Variants in FBXW4 observed in about 807,000 individuals in gnomAD.
FBXW4 encodes F-box and WD repeat domain containing 4, also known as F-box/WD repeat-containing protein 4.
A neutral mutation model predicts 61.8 loss-of-function variants in FBXW4; 40 were observed. The ratio of observed to expected loss-of-function variants is 0.65; its 90% CI spans 0.50 to 0.84. The LOEUF (loss-of-function observed/expected upper bound fraction) is 0.84. Among genes scored for constraint, FBXW4 ranks in the 40% least tolerant of loss-of-function variants. FBXW4 has a pLI of 0.00. For synonymous variants in FBXW4, 311 were observed against 313.8 expected, an observed-to-expected ratio of 0.99 and a Z score of 0.10; for missense variants, 672 against 753.8, an observed-to-expected ratio of 0.89 and a Z score of 1.27.
chr10:101,619,919 TGA>T (rs1016213599), intron 6 of FBXW4, among the ~76,000 whole-genome samples: 2 of 152,180 alleles, frequency 1.3e-5, no homozygotes, highest in Admixed American at 6.5e-5. Context: ...GGTGAGTAGC[TGA>T]GAGACACACA....
intron 5 of FBXW4, among the ~76,000 whole-genome samples, chr10:101,642,956 ACTGATGCACAGG>A (rs2064066608): frequency 6.6e-6 from 1 of 152,104 alleles, no homozygotes; most frequent in Non-Finnish European, 1.5e-5. Context: ...ATTATAGACT[ACTGATGCACAGG>A]TCAACTTCCC....
intron 5 of FBXW4, 102 bp from the exon 6 acceptor site, chr10:101,624,912 G>T: frequency 7.7e-7 from 1 of 1,297,360 alleles, no homozygotes; most frequent in Non-Finnish European, 1.1e-6. Flanking sequence ...AGGGGATTGT[G>T]GGTTAAGCCA....
At chr10:101,692,522 G>A (rs542355163) in intron 1 of FBXW4, among the ~76,000 whole-genome samples, 15 of 151,894 alleles carry the variant, frequency 9.9e-5, no homozygotes, top group African/African-American at 3.1e-4. Flanking sequence ...TTGGGAGGCC[G>A]AGGTGGGCAG....
In FBXW4 at chr10:101,694,521, G is replaced by A. The variant is rs545689445; in HGVS notation, c.585C>T (p.Cys195=). Residue 195 remains cysteine, a synonymous_variant, in exon 1 of 9, where the codon TGC becomes TGT. Coordinates refer to ENST00000331272, the MANE Select transcript of FBXW4 (RefSeq NM_022039.4). The surrounding 1 kb of genome is among the most constrained non-coding windows in gnomAD (Gnocchi z 6.0). ...CGAGGGCCCGCATGTCCAGGTAGGA[G>A]CAGATGAGCAGCAGCAGCTCCTCCG... The part of the protein sequence containing the change: ...RLPEELLLLI[C]SYLDMRALGR... The A allele has an allele frequency of 1.5e-5, 22 of 1,509,292 alleles. No homozygotes were observed. The African/African-American group carries it at 2.2e-4, about 15-fold the overall frequency. The allele number at this position is 1,509,292 out of a possible 1,614,324, so 93.5% of individuals were successfully genotyped here.
At position 101,672,970 on chromosome 10, in the gene FBXW4, C is replaced by T. The variant is rs1422091314; in HGVS notation, c.1085G>A (p.Cys362Tyr). 5 of 1,614,076 alleles carry T rather than the reference C, an allele frequency of 3.1e-6. No individual in the cohort carries two copies. The highest frequency in any genetic ancestry group is 1.3e-5 in the African/African-American group (1 of 74,918). The change falls in exon 4 of 9, where the codon TGT becomes TAT. Residue 362 changes from cysteine (C) to tyrosine (Y), a missense_variant. Physicochemically the swap from Cys to Tyr is radical, Grantham distance 194. Around this residue, in one of 5 missense-constraint regions of FBXW4, gnomAD observed 312 missense variants for 370.1 expected, o/e 0.84. Transcript: ENST00000331272. ...KYSAHEQEVN[C>Y]VDCKGGIIVS... ...AATGATGCCCCCTTTGCAATCCACA[C>T]AGTTCACCTCCTGTTCATGAGCCGA...
At chr10:101,631,659 G>A (rs555474880) in intron 5 of FBXW4, among the ~76,000 whole-genome samples, 6 of 146,578 alleles carry the variant, frequency 4.1e-5, no homozygotes, top group East Asian at 4.0e-4. Context: ...ACAGAGTCTC[G>A]CTCTGTCGCC....
At chr10:101,672,840 G>C (rs544692745) in intron 4 of FBXW4, 75 bp downstream of exon 4, 4 of 1,541,698 alleles carry the variant, frequency 2.6e-6, no homozygotes, top group East Asian at 4.6e-5. Flanking sequence ...AGCCAATCCT[G>C]AGACTCAGGG....
At chr10:101,681,398 A>AAAAAT (rs1554934344) in intron 1 of FBXW4, among the ~76,000 whole-genome samples, 6 of 136,098 alleles carry the variant, frequency 4.4e-5, no homozygotes, top group Non-Finnish European at 7.8e-5. Context: ...CAAAAAAAAA[A>AAAAAT]AATAATAATA....
intron 5 of FBXW4, among the ~76,000 whole-genome samples, chr10:101,666,794 G>A (rs763560747): frequency 2.0e-5 from 3 of 152,138 alleles, no homozygotes; most frequent in Non-Finnish European, 2.9e-5. Flanking sequence ...TCAGGGCCAG[G>A]TGCAGTGGCT....
In FBXW4 at chr10:101,618,696, C is replaced by T. The variant is rs2063844376; in HGVS notation, c.1301+6049G>A. Among the ~76,000 whole-genome samples the T allele has an allele frequency of 2.6e-5, 4 of 152,234 alleles. No individual in the cohort carries two copies. In the South Asian group the frequency reaches 8.3e-4, roughly 32 times the overall value. On this transcript the variant is annotated intron_variant, in intron 6 of 8. Coordinates refer to ENST00000331272, the MANE Select transcript of FBXW4 (RefSeq NM_022039.4). Reference sequence around the variant, plus strand: ...GGAGCAGCCAGGTCACCAACCACCTCCCCACCCCTTTCCCCACCCCACAAT... The same window carrying T: ...GGAGCAGCCAGGTCACCAACCACCTTCCCACCCCTTTCCCCACCCCACAAT...
At chr10:101,619,088 C>T (rs889670088) in intron 6 of FBXW4, among the ~76,000 whole-genome samples, 9 of 152,184 alleles carry the variant, frequency 5.9e-5, no homozygotes, top group Non-Finnish European at 1.0e-4. Context: ...CTTGATTCCT[C>T]CAAACTCCAG....
At chr10:101,636,349 C>T (rs2064001368) in intron 5 of FBXW4, among the ~76,000 whole-genome samples, 1 of 149,520 alleles carries the variant, frequency 6.7e-6, no homozygotes, top group African/African-American at 2.5e-5. Flanking sequence ...GAGAGCAAGA[C>T]TCCATCTCAA....
Position 101,678,115 on chromosome 10 carries a change from T to C in FBXW4, c.726-1679A>G, listed in dbSNP as rs192537659. Among the ~76,000 whole-genome samples, 20 of 152,324 alleles carry C rather than the reference T, an allele frequency of 1.3e-4. No homozygotes were observed. The East Asian group carries it at 3.9e-3, about 29-fold the overall frequency. ...AACATTGGAGGGCGAGTGTCAATAG[T>C]ACTTTCTGGGTGAGCTGAGTTAACA... On this transcript the variant is annotated intron_variant, in intron 1 of 8. Transcript: ENST00000331272.
intron 5 of FBXW4, among the ~76,000 whole-genome samples, chr10:101,627,773 A>T (rs1469379289): frequency 6.6e-6 from 1 of 152,222 alleles, no homozygotes; most frequent in Non-Finnish European, 1.5e-5. Flanking sequence ...AATATGAAGC[A>T]AAGGCCAAGC....
At chr10:101,690,097 A>G (rs926060823) in intron 1 of FBXW4, among the ~76,000 whole-genome samples, 2 of 152,248 alleles carry the variant, frequency 1.3e-5, no homozygotes, top group African/African-American at 4.8e-5. Context: ...GACTGGCAAT[A>G]GAATCTTTTA....
chr10:101,682,720 A>G (rs552953935), intron 1 of FBXW4, among the ~76,000 whole-genome samples: 1 of 152,324 alleles, frequency 6.6e-6, no homozygotes, highest in African/African-American at 2.4e-5. Context: ...TCATAGCACC[A>G]AGAAACTTTC....
At position 101,611,947 on chromosome 10, in the gene FBXW4, G is replaced by A. The variant is rs2063790320; in HGVS notation, c.1443-178C>T. ...AACTTCATGGGAGAAAGCATCTTCT[G>A]TAGAGGGCTCTCGCCATGGCCCAGA... is the stretch of plus-strand genomic sequence containing the variant. On this transcript the variant is annotated intron_variant, in intron 7 of 8. Transcript: ENST00000331272. The surrounding 1 kb of genome is among the most constrained non-coding windows in gnomAD (Gnocchi z 4.9). 6.6e-6 allele frequency among the ~76,000 whole-genome samples: 1 copy of A among 152,264 alleles called. No individual in the cohort carries two copies. Among genetic ancestry groups the A allele is most frequent in the Non-Finnish European group, 1.5e-5 (1 of 68,050 alleles).
At chr10:101,643,853 G>C (rs957221160) in intron 5 of FBXW4, among the ~76,000 whole-genome samples, 3 of 151,946 alleles carry the variant, frequency 2.0e-5, no homozygotes, top group South Asian at 2.1e-4. Context: ...GTAGGGAAGT[G>C]GGGGGGCCCA....
intron 5 of FBXW4, among the ~76,000 whole-genome samples, chr10:101,637,569 G>A (rs559606373): frequency 1.3e-5 from 2 of 151,488 alleles, no homozygotes; most frequent in African/African-American, 4.8e-5. Flanking sequence ...TTAGCCAGGT[G>A]TGGTGGTGCA....
Sources: allele counts gnomAD v4.1 joint callset (sites outside exome capture counted in the v4.1 genomes callset), GRCh38; gene constraint gnomAD v4.1.1; regional missense constraint gnomAD v4.1.1; non-coding constraint Gnocchi (gnomAD v3.1); transcripts MANE v1.5; gene names NCBI Gene and HGNC (gene_info 2026-07-23, HGNC 2026-07-21).